Variants in NFATC2 observed in about 807,000 individuals in gnomAD.
NFATC2 encodes nuclear factor of activated T-cells, cytoplasmic 2.
In NFATC2, 22 loss-of-function variants were observed where a neutral mutation model predicts 87.3. The observed-to-expected ratio is 0.25, with a 90% confidence interval of 0.18 to 0.36. The LOEUF (loss-of-function observed/expected upper bound fraction) is 0.36. Ranked by LOEUF, NFATC2 falls within the 10% of genes least tolerant of loss-of-function variation. The probability of loss-of-function intolerance (pLI) is 1.00; values close to 1 mark genes in which losing one functional copy is unlikely to be tolerated. For synonymous variants in NFATC2, 565 were observed against 542.2 expected, an observed-to-expected ratio of 1.04 and a Z score of -0.58; for missense variants, 1,149 against 1,259.1, an observed-to-expected ratio of 0.91 and a Z score of 1.32.
chr20:51,485,849 G>A (rs1600846576), intron 3 of NFATC2, among the ~76,000 whole-genome samples: 1 of 152,210 alleles, frequency 6.6e-6, no homozygotes, highest in East Asian at 1.9e-4. Context: ...TTCATCTATG[G>A]CTGGGTGACT....
Position 51,475,583 on chromosome 20 carries a change from C to G in NFATC2, c.1410G>C (p.Pro470=), listed in dbSNP as rs201934996. 1 of 1,613,974 alleles carries G rather than the reference C, an allele frequency of 6.2e-7. No homozygotes were observed. Among genetic ancestry groups the G allele is most frequent in the Non-Finnish European group, 8.5e-7 (1 of 1,180,024 alleles). The part of the protein sequence containing the change: ...IGTADERILK[P]HAFYQVHRIT... ...TTCGGTGCACCTGGTAGAAGGCGTG[C>G]GGCTTAAGGATCCGCTCATCAGCTG... is the stretch of plus-strand genomic sequence containing the variant. The change falls in exon 4 of 11, where the codon CCG becomes CCC. Residue 470 remains proline (P), a synonymous_variant. Transcript: ENST00000371564.
intron 5 of NFATC2, among the ~76,000 whole-genome samples, chr20:51,456,303 C>T (rs142464314): frequency 1.5e-3 from 230 of 152,246 alleles, no homozygotes; most frequent in African/African-American, 5.4e-3. Flanking sequence ...TAGTTGAATG[C>T]TCATAGCAAC....
intron 5 of NFATC2, among the ~76,000 whole-genome samples, chr20:51,458,576 A>C (rs1436232546): frequency 6.6e-6 from 1 of 151,688 alleles, no homozygotes; most frequent in Non-Finnish European, 1.5e-5. Context: ...AGGCAGGCGG[A>C]TCACAAGGTC....
intron 3 of NFATC2, among the ~76,000 whole-genome samples, chr20:51,507,021 T>A (rs984685972): frequency 4.6e-5 from 7 of 152,162 alleles, no homozygotes; most frequent in African/African-American, 1.7e-4. Context: ...CCCATCTCAC[T>A]CTCACATCCA....
In NFATC2 at chr20:51,457,269, C is replaced by T. The variant is rs114961098; in HGVS notation, c.1709-2581G>A. On this transcript the variant is annotated intron_variant, in intron 5 of 10. Coordinates refer to ENST00000371564, the MANE Select transcript of NFATC2 (RefSeq NM_012340.5). ...GGGAGCAGCTGGGGGCTTTTGGCCC[C>T]GGGGATGGGTGGTGCAGTGGCGAGA... Among the ~76,000 whole-genome samples, 509 of 152,304 alleles carry T rather than the reference C, an allele frequency of 3.3e-3. 3 individuals are homozygous for T. Among genetic ancestry groups the T allele is most frequent in the African/African-American group, 0.012 (485 of 41,576 alleles).
intron 6 of NFATC2, 45 bp downstream of exon 6, chr20:51,454,503 T>A: frequency 6.2e-7 from 1 of 1,607,040 alleles, no homozygotes; most frequent in Non-Finnish European, 8.5e-7. Context: ...TGGTCACTTT[T>A]GCATGATTCT....
chr20:51,500,950 A>G (rs2076080358), intron 3 of NFATC2, among the ~76,000 whole-genome samples: 1 of 145,506 alleles, frequency 6.9e-6, no homozygotes, highest in Admixed American at 7.0e-5. Context: ...TTAGACTAGC[A>G]GAAACACCTT....
At chr20:51,394,778 A>G (rs889133168) in intron 10 of NFATC2, among the ~76,000 whole-genome samples, 6 of 141,208 alleles carry the variant, frequency 4.2e-5, no homozygotes, top group Admixed American at 2.7e-4. Flanking sequence ...TGCCATCAAC[A>G]TTTTATTCCT....
At chr20:51,520,865 G>A (rs958316385) in intron 2 of NFATC2, among the ~76,000 whole-genome samples, 7 of 151,778 alleles carry the variant, frequency 4.6e-5, no homozygotes, top group Admixed American at 1.3e-4. Context: ...TCTCCATGTC[G>A]GTCAGGCTGG....
intron 1 of NFATC2, among the ~76,000 whole-genome samples, chr20:51,534,845 T>C (rs537630930): frequency 2.0e-5 from 3 of 152,318 alleles, no homozygotes; most frequent in African/African-American, 7.2e-5. Context: ...TGTTCTCGAA[T>C]GTCCCATAAA....
At chr20:51,394,335 G>A (rs897829482) in intron 10 of NFATC2, among the ~76,000 whole-genome samples, 14 of 152,120 alleles carry the variant, frequency 9.2e-5, no homozygotes, top group Non-Finnish European at 1.9e-4. Context: ...GGGTGCAGGG[G>A]AACCCCAGTG....
intron 9 of NFATC2, among the ~76,000 whole-genome samples, chr20:51,404,385 G>A (rs1463368979): frequency 6.6e-6 from 1 of 152,214 alleles, no homozygotes; most frequent in African/African-American, 2.4e-5. Context: ...GAGAGAATCT[G>A]AGTCAATGCA....
intron 8 of NFATC2, among the ~76,000 whole-genome samples, chr20:51,433,147 C>T (rs1983033447): frequency 6.6e-6 from 1 of 152,248 alleles, no homozygotes. Context: ...CTGCTTATCC[C>T]CGTCAGAAAT....
chr20:51,526,158 A>C (rs1449219854), intron 1 of NFATC2, among the ~76,000 whole-genome samples: 4 of 151,838 alleles, frequency 2.6e-5, no homozygotes, highest in Non-Finnish European at 5.9e-5. Flanking sequence ...TCTTTTCTCC[A>C]CTGACGCCTG....
intron 3 of NFATC2, among the ~76,000 whole-genome samples, chr20:51,477,565 AT>A (rs796589810): frequency 0.019 from 2,037 of 107,048 alleles, 53 homozygotes; most frequent in African/African-American, 0.056. Context: ...ATATATATAT[AT>A]ATATATATAT....
chr20:51,392,192 G>A (rs1239559685), intron 10 of NFATC2, among the ~76,000 whole-genome samples: 2 of 152,194 alleles, frequency 1.3e-5, no homozygotes, highest in African/African-American at 2.4e-5. Flanking sequence ...GTTCTCAAAA[G>A]AGGAACCCTT....
At chr20:51,520,171 G>T (rs534322654) in intron 2 of NFATC2, among the ~76,000 whole-genome samples, 1 of 152,268 alleles carries the variant, frequency 6.6e-6, no homozygotes, top group Non-Finnish European at 1.5e-5. Flanking sequence ...CTAATGGAGA[G>T]GAAAGGATTT....
At chr20:51,411,483 C>A (rs1463974880) in intron 9 of NFATC2, among the ~76,000 whole-genome samples, 1 of 150,392 alleles carries the variant, frequency 6.6e-6, no homozygotes. Context: ...ACACTACAAA[C>A]CATAGTGCAA....
chr20:51,496,386 C>T (rs564907484), intron 3 of NFATC2, among the ~76,000 whole-genome samples: 2 of 152,034 alleles, frequency 1.3e-5, no homozygotes, highest in Non-Finnish European at 2.9e-5. Context: ...CACCTCTGCA[C>T]ACCCCTGAAG....
Sources: allele counts gnomAD v4.1 joint callset (sites outside exome capture counted in the v4.1 genomes callset), GRCh38; gene constraint gnomAD v4.1.1; transcripts MANE v1.5; gene names NCBI Gene and HGNC (gene_info 2026-07-23, HGNC 2026-07-21).